The following DNM3 variants were observed in gnomAD, a reference collection of about 807,000 sequenced individuals.
DNM3 encodes the protein dynamin 3.
In DNM3, 47 loss-of-function variants were observed where a neutral mutation model predicts 101.6. The ratio of observed to expected loss-of-function variants is 0.46; its 90% CI spans 0.37 to 0.59. The LOEUF is 0.59. Among genes scored for constraint, DNM3 ranks in the 20% least tolerant of loss-of-function variants. DNM3 has a pLI of 0.00. For missense variants in DNM3, 849 were observed against 1,085.7 expected, an observed-to-expected ratio of 0.78 and a Z score of 3.06; for synonymous variants, 385 against 387.9, an observed-to-expected ratio of 0.99 and a Z score of 0.09.
chr1:171,858,343 C>A (rs2033824812), intron 1 of DNM3, among the ~76,000 whole-genome samples: 1 of 152,036 alleles, frequency 6.6e-6, no homozygotes, highest in Non-Finnish European at 1.5e-5. Context: ...TTCACCTGTA[C>A]TTCTCTCTTC....
intron 4 of DNM3, among the ~76,000 whole-genome samples, chr1:172,014,104 C>T (rs139287076): frequency 1.7e-4 from 26 of 151,922 alleles, no homozygotes; most frequent in South Asian, 1.0e-3. Context: ...CGATTTGCAA[C>T]GGTGAAAATA....
intron 15 of DNM3, among the ~76,000 whole-genome samples, chr1:172,300,486 T>G (rs1367977247): frequency 6.6e-6 from 1 of 152,160 alleles, no homozygotes; most frequent in Non-Finnish European, 1.5e-5. Context: ...GGAAGGTATT[T>G]TCTAGATTTT....
chr1:172,348,093 G>A (rs990056812), intron 17 of DNM3, among the ~76,000 whole-genome samples: 1 of 152,092 alleles, frequency 6.6e-6, no homozygotes, highest in African/African-American at 2.4e-5. Flanking sequence ...GTTACTTTGA[G>A]TGGGAGAGGC....
chr1:172,156,092 T>C (rs1254219090), intron 14 of DNM3, among the ~76,000 whole-genome samples: 1 of 152,124 alleles, frequency 6.6e-6, no homozygotes, highest in African/African-American at 2.4e-5. Context: ...GAGGACTATA[T>C]GGATTAATCT....
At chr1:171,980,613 C>T (rs1434555451) in intron 2 of DNM3, among the ~76,000 whole-genome samples, 1 of 152,088 alleles carries the variant, frequency 6.6e-6, no homozygotes, top group East Asian at 1.9e-4. Context: ...CTTTGCCTCC[C>T]AACACTTCTC....
At chr1:172,387,647 G>C (rs2069269102) in intron 19 of DNM3, among the ~76,000 whole-genome samples, 1 of 150,766 alleles carries the variant, frequency 6.6e-6, no homozygotes, top group South Asian at 2.1e-4. Context: ...GACAGAGCAA[G>C]ACTCCGTCTC....
intron 14 of DNM3, among the ~76,000 whole-genome samples, chr1:172,184,065 C>T (rs1327513081): frequency 3.3e-5 from 5 of 151,946 alleles, no homozygotes; most frequent in African/African-American, 1.2e-4. Flanking sequence ...TGCTTTATCT[C>T]AATTTTATTT....
At chr1:171,847,578 G>A (rs2032322464) in intron 1 of DNM3, among the ~76,000 whole-genome samples, 1 of 152,148 alleles carries the variant, frequency 6.6e-6, no homozygotes, top group Admixed American at 6.5e-5. Flanking sequence ...ATAACTGGAT[G>A]CAGTGAAGGT....
intron 1 of DNM3, among the ~76,000 whole-genome samples, chr1:171,855,038 T>C (rs1327688002): frequency 1.3e-5 from 2 of 152,162 alleles, no homozygotes; most frequent in African/African-American, 2.4e-5. Flanking sequence ...TCTCCCACCC[T>C]TCACCCTCAA....
At chr1:172,349,221 A>G (rs1192451939) in intron 17 of DNM3, among the ~76,000 whole-genome samples, 1 of 152,174 alleles carries the variant, frequency 6.6e-6, no homozygotes, top group Non-Finnish European at 1.5e-5. Flanking sequence ...AGGGTTTTGA[A>G]TCCTTGCTAT....
chr1:172,194,330 A>G (rs2059862364), intron 14 of DNM3, among the ~76,000 whole-genome samples: 1 of 152,136 alleles, frequency 6.6e-6, no homozygotes, highest in Admixed American at 6.5e-5. Context: ...AGAAGAATGT[A>G]TATTCTGTTG....
rs948111297 is a variant in DNM3 at position 172,178,059 on chromosome 1, T to C, written c.1659+46771T>C. Among the ~76,000 whole-genome samples, 10 of 151,958 alleles carry C rather than the reference T, an allele frequency of 6.6e-5. No homozygotes were observed. The East Asian group carries it at 1.9e-3, about 29-fold the overall frequency. On this transcript the variant is annotated intron_variant, in intron 14 of 20. Transcript: ENST00000627582. ...ATGCCTAGGCTGTTTGTTTTGTTCC[T>C]AGATTACAAACCTGTAAAGCCTGTT... is the stretch of plus-strand genomic sequence containing the variant.
intron 2 of DNM3, among the ~76,000 whole-genome samples, chr1:171,976,574 T>G (rs996180064): frequency 3.9e-5 from 6 of 152,158 alleles, no homozygotes; most frequent in African/African-American, 1.4e-4. Context: ...ATGTGGGAAT[T>G]ATGGGAGCTA....
Position 172,008,917 on chromosome 1 carries a change from ATAT to A in DNM3, c.589+19773_589+19775del, listed in dbSNP as rs991808557. Among the ~76,000 whole-genome samples, 3 of 137,552 alleles carry A rather than the reference ATAT, an allele frequency of 2.2e-5. No individual in the cohort carries two copies. The Admixed American group carries it at 2.4e-4, about 11-fold the overall frequency. The allele number at this position is 137,552 out of a possible 152,430, so 90.2% of individuals were successfully genotyped here. Reference sequence around the variant, plus strand: ...AATATTAATAAATATATCATATTAAATATTATATTAATTAAATATTAATAAATA... The same window carrying A: ...AATATTAATAAATATATCATATTAAATATATTAATTAAATATTAATAAATA... On this transcript the variant is annotated intron_variant, in intron 4 of 20. Coordinates refer to ENST00000627582, the MANE Select transcript of DNM3 (RefSeq NM_015569.5).
At chr1:171,867,025 TA>T (rs1463581065) in intron 1 of DNM3, among the ~76,000 whole-genome samples, 1 of 152,234 alleles carries the variant, frequency 6.6e-6, no homozygotes, top group African/African-American at 2.4e-5. Flanking sequence ...CAACAAAGGC[TA>T]AATGTTTTTA....
intron 13 of DNM3, among the ~76,000 whole-genome samples, chr1:172,097,416 TAGA>T (rs1264604654): frequency 6.6e-6 from 1 of 150,624 alleles, no homozygotes; most frequent in Non-Finnish European, 1.5e-5. Context: ...AAAGAAAAAA[TAGA>T]AGAAGGTGCT....
chr1:171,991,695 A>G (rs1318251549), intron 4 of DNM3, among the ~76,000 whole-genome samples: 1 of 152,086 alleles, frequency 6.6e-6, no homozygotes, highest in Non-Finnish European at 1.5e-5. Flanking sequence ...CATCCCTCCT[A>G]GGAGGTCATA....
At chr1:172,092,271 T>C (rs567607660) in intron 12 of DNM3, among the ~76,000 whole-genome samples, 46 of 152,224 alleles carry the variant, frequency 3.0e-4, no homozygotes, top group African/African-American at 1.1e-3. Context: ...TCAGAATATA[T>C]TGGAATTCAA....
At chr1:172,143,589 A>T (rs1417084640) in intron 14 of DNM3, among the ~76,000 whole-genome samples, 1 of 152,078 alleles carries the variant, frequency 6.6e-6, no homozygotes, top group Non-Finnish European at 1.5e-5. Flanking sequence ...CTTCGTTTAC[A>T]AATTCCTTTT....
Sources: allele counts gnomAD v4.1 joint callset (sites outside exome capture counted in the v4.1 genomes callset), GRCh38; gene constraint gnomAD v4.1.1; transcripts MANE v1.5; gene names NCBI Gene and HGNC (gene_info 2026-07-23, HGNC 2026-07-21).